COL8A1: variants seen among roughly 807,000 people sequenced by gnomAD.
The protein encoded by COL8A1 is collagen type VIII alpha 1 chain, also known as collagen alpha-1(VIII) chain.
In COL8A1, 21 loss-of-function variants were observed where a neutral mutation model predicts 42.7. That is an observed-to-expected ratio of 0.49 (90% confidence interval 0.35 to 0.71). The LOEUF (loss-of-function observed/expected upper bound fraction) is 0.71. Ranked by LOEUF, COL8A1 falls within the 30% of genes least tolerant of loss-of-function variation. COL8A1 has a pLI of 0.01. For missense variants in COL8A1, 788 were observed against 962.4 expected (o/e 0.82, Z 2.40); for synonymous variants, 367 against 369.1 (o/e 0.99, Z 0.06).
intron 1 of COL8A1, among the ~76,000 whole-genome samples, chr3:99,736,651 A>T (rs1210683939): frequency 6.6e-6 from 1 of 152,138 alleles, no homozygotes; most frequent in East Asian, 1.9e-4. Context: ...TTTACTTCCA[A>T]GTATGTGGTC....
intron 1 of COL8A1, among the ~76,000 whole-genome samples, chr3:99,672,499 A>G (rs2107314644): frequency 6.6e-6 from 1 of 151,578 alleles, no homozygotes; most frequent in East Asian, 1.9e-4. Context: ...ATTTTATAAA[A>G]CATTTTCTTT....
chr3:99,698,785 T>C (rs1427973942), intron 1 of COL8A1, among the ~76,000 whole-genome samples: 1 of 152,256 alleles, frequency 6.6e-6, no homozygotes, highest in Non-Finnish European at 1.5e-5. Flanking sequence ...GTATGCTCCA[T>C]AGGAGAGACT....
chr3:99,743,751 A>C (rs1940956283), intron 1 of COL8A1, among the ~76,000 whole-genome samples: 1 of 152,190 alleles, frequency 6.6e-6, no homozygotes, highest in African/African-American at 2.4e-5. Flanking sequence ...ATAATTACAG[A>C]AAGTTTTATT....
At chr3:99,752,575 C>T (rs1941173796) in intron 2 of COL8A1, among the ~76,000 whole-genome samples, 1 of 152,032 alleles carries the variant, frequency 6.6e-6, no homozygotes, top group Admixed American at 6.6e-5. Flanking sequence ...TTTCCTCTTA[C>T]CTGCGTTACC....
intron 2 of COL8A1, among the ~76,000 whole-genome samples, chr3:99,777,839 G>T (rs570156533): frequency 2.0e-3 from 308 of 152,270 alleles, no homozygotes; most frequent in African/African-American, 7.0e-3. Context: ...CACTTAAGTG[G>T]CATTAATTCA....
In COL8A1 at chr3:99,768,027, C is replaced by T. The variant is rs145263994; in HGVS notation, c.-3-22653C>T. ...CATAAAAGTAACATTTGATTGAGAT[C>T]GGTACATAACTAATCCCATTTCAAA... On this transcript the variant is annotated intron_variant, in intron 2 of 3. Transcript: ENST00000652472. Among the ~76,000 whole-genome samples the T allele has an allele frequency of 3.3e-5, 5 of 152,194 alleles. No individual in the cohort carries two copies. The East Asian group carries it at 7.7e-4, about 24-fold the overall frequency.
chr3:99,795,542 T>C lies in COL8A1; in HGVS notation c.1641T>C (p.Pro547=). 1.9e-6 allele frequency: 3 copies of C among 1,606,510 alleles called. No homozygotes were observed. The highest frequency in any genetic ancestry group is 1.1e-5 in the South Asian group (1 of 90,548). Residue 547 remains proline (P), a synonymous_variant, in exon 4 of 4, where the codon CCT becomes CCC. Coordinates refer to ENST00000652472, the MANE Select transcript of COL8A1 (RefSeq NM_020351.4). ...VAGLHGPPGK[P]GALGPQGQPG... Reference sequence around the variant, plus strand: ...GACTTCATGGCCCCCCAGGGAAGCCTGGTGCCCTTGGTCCTCAAGGCCAGC... The same window carrying C: ...GACTTCATGGCCCCCCAGGGAAGCCCGGTGCCCTTGGTCCTCAAGGCCAGC...
intron 1 of COL8A1, among the ~76,000 whole-genome samples, chr3:99,643,230 C>A (rs1341862878): frequency 1.3e-5 from 2 of 152,172 alleles, no homozygotes; most frequent in African/African-American, 4.8e-5. Context: ...GCTGAGCATT[C>A]CGTAGGCACT....
chr3:99,715,742 A>G (rs1049930966), intron 1 of COL8A1, among the ~76,000 whole-genome samples: 41 of 152,016 alleles, frequency 2.7e-4, no homozygotes, highest in Admixed American at 2.7e-3. Flanking sequence ...GAGAACAAGC[A>G]AAGACATGGC....
intron 1 of COL8A1, among the ~76,000 whole-genome samples, chr3:99,652,535 C>T (rs1431973345): frequency 6.6e-6 from 1 of 152,208 alleles, no homozygotes; most frequent in Non-Finnish European, 1.5e-5. Context: ...CTTCTTTCTA[C>T]TAATCCAGGC....
intron 1 of COL8A1, among the ~76,000 whole-genome samples, chr3:99,726,985 T>C (rs1940352151): frequency 6.6e-6 from 1 of 151,124 alleles, no homozygotes; most frequent in African/African-American, 2.4e-5. Flanking sequence ...TGGCATTGAA[T>C]CTTTAAATTA....
In COL8A1 at chr3:99,794,084, T is replaced by C. The variant is rs1191265620; in HGVS notation, c.329-146T>C. 1.8e-5 allele frequency: 10 copies of C among 561,378 alleles called. No individual in the cohort carries two copies. The highest frequency in any genetic ancestry group is 3.1e-5 in the Admixed American group (1 of 32,132). The allele number at this position is 561,378 out of a possible 1,614,324, so 34.8% of individuals were successfully genotyped here. On this transcript the variant is annotated intron_variant, in intron 3 of 3. Coordinates refer to ENST00000652472, the MANE Select transcript of COL8A1 (RefSeq NM_020351.4). This position sits in a 1 kb window ranked among gnomAD's most constrained non-coding sequence, Gnocchi z 4.3. ...TAAGGTCTAGAAGATGAGCATATTATTCCTAGTCTTTTCTCTTGATAAGTA... is the reference window on the plus strand; with the variant it reads ...TAAGGTCTAGAAGATGAGCATATTACTCCTAGTCTTTTCTCTTGATAAGTA...
chr3:99,723,768 A>G (rs1940223182), intron 1 of COL8A1, among the ~76,000 whole-genome samples: 1 of 152,144 alleles, frequency 6.6e-6, no homozygotes, highest in Admixed American at 6.6e-5. Context: ...ACTCCAAAGG[A>G]AAACTTTCTC....
intron 1 of COL8A1, among the ~76,000 whole-genome samples, chr3:99,671,204 T>A (rs1581124): frequency 0.59 from 89,596 of 151,720 alleles, 26,825 homozygotes; most frequent in East Asian, 0.77. Flanking sequence ...AACAAGTAAG[T>A]TTATGTGATT....
intron 2 of COL8A1, among the ~76,000 whole-genome samples, chr3:99,750,049 C>CTTTTTTTTTTTTTTTTTTTTTTT (rs1176042144): frequency 1.7e-4 from 11 of 65,966 alleles, no homozygotes; most frequent in African/African-American, 3.1e-4. Context: ...TTTTTTTCTT[C>CTTTTTTTTTTTTTTTTTTTTTTT]TTTTTTTTTT....
rs370855024 is a variant in COL8A1, at chr3:99,795,696, C to A, written c.1795C>A (p.His599Asn). Residue 599 changes from histidine to asparagine, a missense_variant, in exon 4 of 4, where the codon CAT (histidine) becomes AAT (asparagine). Physicochemically the swap from His to Asn is moderately conservative, Grantham distance 68. Coordinates refer to ENST00000652472, the MANE Select transcript of COL8A1 (RefSeq NM_020351.4). ...GLGIDGVKPPHAYGAKKGKNG... is the reference protein window; with the variant it reads ...GLGIDGVKPPNAYGAKKGKNG... ...GGGAATTGATGGCGTGAAACCCCCC[C>A]ATGCCTACGGGGCTAAGAAAGGCAA... 1 of 1,614,138 alleles carries A rather than the reference C, an allele frequency of 6.2e-7. No individual in the cohort carries two copies. Among genetic ancestry groups the A allele is most frequent in the African/African-American group, 1.3e-5 (1 of 75,020 alleles).
chr3:99,697,133 C>A (rs1404732825), intron 1 of COL8A1, among the ~76,000 whole-genome samples: 1 of 150,648 alleles, frequency 6.6e-6, no homozygotes, highest in Non-Finnish European at 1.5e-5. Flanking sequence ...ACTACAGGCG[C>A]CCGCCACTAC....
chr3:99,738,579 G>A (rs182746671), intron 1 of COL8A1, among the ~76,000 whole-genome samples: 73 of 152,296 alleles, frequency 4.8e-4, no homozygotes, highest in Admixed American at 1.8e-3. Context: ...CAGTCTGCCC[G>A]TTCTCAGATC....
At chr3:99,693,561 TAAAA>T (rs2107337454) in intron 1 of COL8A1, among the ~76,000 whole-genome samples, 1 of 152,242 alleles carries the variant, frequency 6.6e-6, no homozygotes, top group African/African-American at 2.4e-5. Context: ...AGTAAAAAGA[TAAAA>T]GAATATAAAA....
Sources: allele counts gnomAD v4.1 joint callset (sites outside exome capture counted in the v4.1 genomes callset), GRCh38; gene constraint gnomAD v4.1.1; non-coding constraint Gnocchi (gnomAD v3.1); transcripts MANE v1.5; gene names NCBI Gene and HGNC (gene_info 2026-07-23, HGNC 2026-07-21).